EPHA5: variants seen among roughly 807,000 people sequenced by gnomAD.
EPHA5 encodes EPH receptor A5.
Under a neutral mutation model 105.0 loss-of-function variants are expected in EPHA5, and 60 were observed. That is an observed-to-expected ratio of 0.57 (90% CI 0.46 to 0.71). The LOEUF is 0.71. Among genes scored for constraint, EPHA5 ranks in the 30% least tolerant of loss-of-function variants. The probability of loss-of-function intolerance (pLI) is 0.00; values close to 1 mark genes in which losing one functional copy is unlikely to be tolerated. For synonymous variants in EPHA5, 513 were observed against 449.1 expected, an observed-to-expected ratio of 1.14 and a Z score of -1.80; for missense variants, 1,218 against 1,274.7, an observed-to-expected ratio of 0.96 and a Z score of 0.68.
At position 65,532,652 on chromosome 4, in the gene EPHA5, A is replaced by G. The variant is rs563394860; in HGVS notation, c.911-37109T>C. Among the ~76,000 whole-genome samples, 747 of 129,612 alleles carry G rather than the reference A, an allele frequency of 5.8e-3. 5 individuals carry two copies. The highest frequency in any genetic ancestry group is 0.019 in the African/African-American group (676 of 34,730). The allele number at this position is 129,612 out of a possible 152,430, so 85.0% of individuals were successfully genotyped here. The stretch of plus-strand genomic sequence containing the variant: ...CTCCCCAATTTTCGTTGAATCTCTC[A>G]CCAGCTGTATTGGTTACAGTTTTTT... On this transcript the variant is annotated intron_variant, in intron 3 of 16. Transcript: ENST00000613740.
chr4:65,583,904 T>C (rs906654059), intron 3 of EPHA5, among the ~76,000 whole-genome samples: 3 of 151,636 alleles, frequency 2.0e-5, no homozygotes, highest in Admixed American at 6.6e-5. Context: ...GTTCATTAAA[T>C]TCATTAAACA....
intron 2 of EPHA5, among the ~76,000 whole-genome samples, chr4:65,640,116 C>A (rs954051906): frequency 1.3e-5 from 2 of 152,094 alleles, no homozygotes; most frequent in East Asian, 3.9e-4. Flanking sequence ...TATTGCAAAC[C>A]TGGCATATTA....
At chr4:65,424,027 T>A (rs4289492) in intron 5 of EPHA5, among the ~76,000 whole-genome samples, 20,967 of 152,000 alleles carry the variant, frequency 0.14, 1,795 homozygotes, top group East Asian at 0.31. Flanking sequence ...ATTCTAGCTT[T>A]CACACCTTAC....
chr4:65,565,511 C>G (rs1739445948), intron 3 of EPHA5, among the ~76,000 whole-genome samples: 1 of 151,402 alleles, frequency 6.6e-6, no homozygotes, highest in African/African-American at 2.4e-5. Flanking sequence ...TGCTTGTACT[C>G]AAATTTATTT....
At chr4:65,501,985 A>C (rs1263428212) in intron 3 of EPHA5, among the ~76,000 whole-genome samples, 4 of 151,852 alleles carry the variant, frequency 2.6e-5, no homozygotes, top group African/African-American at 7.2e-5. Context: ...AAAGCCAACA[A>C]AAATAAGCAA....
intron 3 of EPHA5, among the ~76,000 whole-genome samples, chr4:65,503,623 T>C (rs1732712291): frequency 6.6e-6 from 1 of 151,778 alleles, no homozygotes; most frequent in African/African-American, 2.4e-5. Context: ...TAATATAATA[T>C]TTATAAATGA....
intron 5 of EPHA5, among the ~76,000 whole-genome samples, chr4:65,471,739 A>G (rs1021683555): frequency 2.0e-5 from 3 of 152,168 alleles, no homozygotes; most frequent in African/African-American, 7.2e-5. Context: ...TCACTATCAC[A>G]AGAAAGCATG....
chr4:65,617,039 G>T (rs1267627883), intron 2 of EPHA5, among the ~76,000 whole-genome samples: 2 of 151,964 alleles, frequency 1.3e-5, no homozygotes, highest in Non-Finnish European at 2.9e-5. Flanking sequence ...TCCCAAACTT[G>T]TATTGTGGGA....
At chr4:65,408,257 A>G (rs1246553895) in intron 7 of EPHA5, among the ~76,000 whole-genome samples, 1 of 152,124 alleles carries the variant, frequency 6.6e-6, no homozygotes, top group East Asian at 1.9e-4. Context: ...GTCAAGTAGG[A>G]GATATGGTAA....
At chr4:65,379,160 T>G (rs1719309536) in intron 8 of EPHA5, among the ~76,000 whole-genome samples, 1 of 151,982 alleles carries the variant, frequency 6.6e-6, no homozygotes, top group South Asian at 2.1e-4. Context: ...TGTCTAACAC[T>G]TGGTCAGTGA....
At chr4:65,531,647 A>T (rs113304618) in intron 3 of EPHA5, among the ~76,000 whole-genome samples, 1 of 150,578 alleles carries the variant, frequency 6.6e-6, no homozygotes, top group Non-Finnish European at 1.5e-5. Flanking sequence ...GCAGAATGAC[A>T]ATGATCCAGG....
At chr4:65,426,451 A>T (rs1346723787) in intron 5 of EPHA5, among the ~76,000 whole-genome samples, 1 of 152,050 alleles carries the variant, frequency 6.6e-6, no homozygotes, top group African/African-American at 2.4e-5. Flanking sequence ...ATTTTTCTTT[A>T]TAATGGCACT....
intron 3 of EPHA5, among the ~76,000 whole-genome samples, chr4:65,564,495 C>T (rs577102581): frequency 6.6e-6 from 1 of 151,830 alleles, no homozygotes; most frequent in Non-Finnish European, 1.5e-5. Flanking sequence ...AGTGACCTGG[C>T]TATGAATATA....
intron 11 of EPHA5, among the ~76,000 whole-genome samples, chr4:65,358,403 A>G (rs1274415347): frequency 6.6e-6 from 1 of 151,484 alleles, no homozygotes; most frequent in Middle Eastern, 3.2e-3. Flanking sequence ...CTGCTTATAG[A>G]CCTATAGTAT....
At chr4:65,607,215 C>T (rs1744314708) in intron 2 of EPHA5, among the ~76,000 whole-genome samples, 2 of 151,710 alleles carry the variant, frequency 1.3e-5, no homozygotes, top group East Asian at 3.9e-4. Flanking sequence ...ATACCTAAAA[C>T]CATAAAAACC....
At chr4:65,505,490 T>G (rs1732919816) in intron 3 of EPHA5, among the ~76,000 whole-genome samples, 1 of 152,072 alleles carries the variant, frequency 6.6e-6, no homozygotes, top group Non-Finnish European at 1.5e-5. Context: ...TTGAATTAAA[T>G]TAAATTAAAT....
chr4:65,442,138 A>G (rs1215022849), intron 5 of EPHA5, among the ~76,000 whole-genome samples: 1 of 152,106 alleles, frequency 6.6e-6, no homozygotes, highest in Non-Finnish European at 1.5e-5. Flanking sequence ...CCCCGCCACA[A>G]CACCCCATCC....
In EPHA5 at chr4:65,324,005, G is replaced by A. The variant is rs981933025; in HGVS notation, c.*109C>T. 2.8e-6 allele frequency: 2 copies of A among 718,542 alleles called. No homozygotes were observed. Among genetic ancestry groups the A allele is most frequent in the African/African-American group, 3.6e-5 (2 of 55,388 alleles). The allele number at this position is 718,542 out of a possible 1,614,324, so 44.5% of individuals were successfully genotyped here. The stretch of plus-strand genomic sequence containing the variant: ...GTGGCTGAGGCAAATGTTTTCTAAG[G>A]TTTAGAAATCACTGTTTTCCCTTTT... On this transcript the variant is annotated 3_prime_UTR_variant, in exon 17 of 17. Transcript: ENST00000613740.
chr4:65,472,564 C>A (rs543603776), intron 5 of EPHA5, among the ~76,000 whole-genome samples: 1 of 152,320 alleles, frequency 6.6e-6, no homozygotes, highest in East Asian at 1.9e-4. Context: ...CTTCTGTGCA[C>A]CTGCAGGCCC....
Sources: allele counts gnomAD v4.1 joint callset (sites outside exome capture counted in the v4.1 genomes callset), GRCh38; gene constraint gnomAD v4.1.1; transcripts MANE v1.5; gene names NCBI Gene and HGNC (gene_info 2026-07-23, HGNC 2026-07-21).